Variants in SNX30 observed in about 807,000 individuals in gnomAD.
SNX30 encodes sorting nexin-30.
Under a neutral mutation model 46.4 loss-of-function variants are expected in SNX30, and 24 were observed. The observed-to-expected ratio is 0.52, with a 90% CI of 0.37 to 0.73. The LOEUF is 0.73. SNX30 is among the 30% of genes least tolerant of loss of function. The pLI is 0.00. For synonymous variants in SNX30, 189 were observed against 211.5 expected, an observed-to-expected ratio of 0.89 and a Z score of 0.92; for missense variants, 533 against 555.7, an observed-to-expected ratio of 0.96 and a Z score of 0.41.
At chr9:112,807,450 A>G (rs964646676) in intron 2 of SNX30, among the ~76,000 whole-genome samples, 1 of 152,148 alleles carries the variant, frequency 6.6e-6, no homozygotes, top group African/African-American at 2.4e-5. Context: ...TTACCCCACT[A>G]CACCACTGGG....
At chr9:112,881,061 C>T (rs939165778) in intron 5 of SNX30, among the ~76,000 whole-genome samples, 5 of 152,326 alleles carry the variant, frequency 3.3e-5, no homozygotes, top group Admixed American at 2.6e-4. Context: ...GCTGCCTCAT[C>T]GTCTGCCTTT....
chr9:112,832,430 AAG>A (rs144673731), intron 4 of SNX30, among the ~76,000 whole-genome samples: 287 of 79,694 alleles, frequency 3.6e-3, no homozygotes, highest in African/African-American at 8.3e-3. Flanking sequence ...ATAAGTAGGA[AAG>A]AGAGAGAGAG....
rs12685822 is a variant in SNX30 at position 112,774,845 on chromosome 9, T to C, written c.156+23688T>C. ...TATATGTTCTGAGTTATTTATATGCTTTTTTTTTTTTTTTTTGAGACAGTG... is the reference window on the plus strand; with the variant it reads ...TATATGTTCTGAGTTATTTATATGCCTTTTTTTTTTTTTTTTGAGACAGTG... On this transcript the variant is annotated intron_variant, in intron 1 of 8. Coordinates refer to ENST00000374232, the MANE Select transcript of SNX30 (RefSeq NM_001012994.2). Among the ~76,000 whole-genome samples, 949 of 102,174 alleles carry C rather than the reference T, an allele frequency of 9.3e-3. 18 individuals carry two copies. The highest frequency in any genetic ancestry group is 0.059 in the Admixed American group (563 of 9,604). The allele number at this position is 102,174 out of a possible 152,430, so 67.0% of individuals were successfully genotyped here.
Position 112,817,401 on chromosome 9 carries a change from C to CTTTTTTTTTTTTTTTTTTTTTTTTT in SNX30, c.349-298_349-274dup, listed in dbSNP as rs56856142. 8.8e-4 allele frequency among the ~76,000 whole-genome samples: 41 copies of CTTTTTTTTTTTTTTTTTTTTTTTTT among 46,836 alleles called. 8 individuals are homozygous for CTTTTTTTTTTTTTTTTTTTTTTTTT. The highest frequency in any genetic ancestry group is 5.2e-3 in the East Asian group (4 of 772). 30.7% of individuals were successfully genotyped at this position (46,836 alleles called of 152,430 possible). A position where few individuals can be genotyped will look rare whatever the true frequency, so the allele number is the denominator to read the frequency against. ...CGGTAGGGAAAAAAAAAAAAACTGGCTTTTTTTTTTTTTTTTTTTTTTTTT... is the reference window on the plus strand; with the variant it reads ...CGGTAGGGAAAAAAAAAAAAACTGGCTTTTTTTTTTTTTTTTTTTTTTTTTTTTTTTTTTTTTTTTTTTTTTTTTT... On this transcript the variant is annotated intron_variant, in intron 2 of 8. Transcript: ENST00000374232.
intron 1 of SNX30, among the ~76,000 whole-genome samples, chr9:112,768,606 AT>A (rs10684532): frequency 3.1e-4 from 37 of 118,150 alleles, no homozygotes; most frequent in Admixed American, 4.4e-4. Context: ...AGGGAGCAGT[AT>A]TTTTTTTTTT....
intron 1 of SNX30, among the ~76,000 whole-genome samples, chr9:112,769,688 T>C (rs943011992): frequency 3.3e-5 from 5 of 152,212 alleles, no homozygotes; most frequent in Admixed American, 6.5e-5. Flanking sequence ...CATTCTGATA[T>C]GGCCTCTCTT....
chr9:112,849,227 T>A (rs533394519), intron 6 of SNX30, among the ~76,000 whole-genome samples: 1 of 152,316 alleles, frequency 6.6e-6, no homozygotes, highest in South Asian at 2.1e-4. Flanking sequence ...ACCAATAGAT[T>A]TAGATTATTT....
At position 112,780,042 on chromosome 9, in the gene SNX30, C is replaced by G. The variant is rs117790512; in HGVS notation, c.157-24734C>G. ...GACTGCTGTTAGACTAGGGTGTACTCAGATTCCAGTCTGCAACTGTGGGGA... is the reference window on the plus strand; with the variant it reads ...GACTGCTGTTAGACTAGGGTGTACTGAGATTCCAGTCTGCAACTGTGGGGA... On this transcript the variant is annotated intron_variant, in intron 1 of 8. Transcript: ENST00000374232. 1.8e-3 allele frequency among the ~76,000 whole-genome samples: 271 copies of G among 152,298 alleles called. 2 individuals carry two copies. In the South Asian group the frequency reaches 0.025, roughly 14 times the overall value.
At chr9:112,825,906 C>G (rs954879873) in intron 3 of SNX30, among the ~76,000 whole-genome samples, 1 of 152,136 alleles carries the variant, frequency 6.6e-6, no homozygotes, top group African/African-American at 2.4e-5. Context: ...CAAGAAATTT[C>G]TGAAGCTACA....
At chr9:112,785,709 T>C (rs893949516) in intron 1 of SNX30, among the ~76,000 whole-genome samples, 2 of 152,104 alleles carry the variant, frequency 1.3e-5, no homozygotes, top group Non-Finnish European at 2.9e-5. Flanking sequence ...TTAAATTTTT[T>C]TGTAGAGATA....
At chr9:112,805,833 T>A (rs1840217062) in intron 2 of SNX30, among the ~76,000 whole-genome samples, 1 of 152,144 alleles carries the variant, frequency 6.6e-6, no homozygotes, top group Admixed American at 6.5e-5. Flanking sequence ...GAAATAGAGG[T>A]GGAAAGTTCA....
At chr9:112,813,113 T>C (rs1034574996) in intron 2 of SNX30, among the ~76,000 whole-genome samples, 1 of 151,986 alleles carries the variant, frequency 6.6e-6, no homozygotes, top group Non-Finnish European at 1.5e-5. Flanking sequence ...CATGCCACTA[T>C]ACTCCAGCCT....
intron 1 of SNX30, among the ~76,000 whole-genome samples, chr9:112,759,073 C>T (rs909667446): frequency 6.6e-6 from 1 of 151,936 alleles, no homozygotes; most frequent in African/African-American, 2.4e-5. Flanking sequence ...GCTTTGTTGC[C>T]CAGGCTGGTC....
At chr9:112,773,974 C>T (rs994814720) in intron 1 of SNX30, among the ~76,000 whole-genome samples, 8 of 152,198 alleles carry the variant, frequency 5.3e-5, no homozygotes, top group African/African-American at 9.6e-5. Flanking sequence ...AGGAATCTTT[C>T]TATGTGACCT....
intron 3 of SNX30, among the ~76,000 whole-genome samples, chr9:112,823,096 T>C (rs575887250): frequency 3.3e-5 from 5 of 152,364 alleles, no homozygotes; most frequent in African/African-American, 1.2e-4. Context: ...TATAGGTATG[T>C]ATATACAGGT....
At chr9:112,771,420 T>C (rs1343721383) in intron 1 of SNX30, among the ~76,000 whole-genome samples, 1 of 152,230 alleles carries the variant, frequency 6.6e-6, no homozygotes, top group Non-Finnish European at 1.5e-5. Context: ...TGTATATACT[T>C]ATATGCAACA....
chr9:112,750,140 A>G (rs539147934), upstream of SNX30, among the ~76,000 whole-genome samples: 1 of 152,028 alleles, frequency 6.6e-6, no homozygotes, highest in South Asian at 2.1e-4. Flanking sequence ...ATCATTTGAG[A>G]CTCTCTACTC....
intron 1 of SNX30, among the ~76,000 whole-genome samples, chr9:112,772,332 C>A (rs917806989): frequency 6.6e-6 from 1 of 152,160 alleles, no homozygotes; most frequent in Non-Finnish European, 1.5e-5. Context: ...AGTTGAGTTG[C>A]CTTCACTCTT....
At chr9:112,796,878 C>G (rs940142228) in intron 1 of SNX30, among the ~76,000 whole-genome samples, 1 of 152,100 alleles carries the variant, frequency 6.6e-6, no homozygotes, top group South Asian at 2.1e-4. Context: ...CTAGGTTAAC[C>G]TCTAATTTCC....
Sources: gnomAD v4.1 joint callset for allele counts (sites outside exome capture counted in the v4.1 genomes callset) on GRCh38, gnomAD v4.1.1 for gene constraint, MANE v1.5 for transcripts, NCBI Gene and HGNC (gene_info 2026-07-23, HGNC 2026-07-21) for gene names.